Variants in PHKA1 observed in about 807,000 individuals in gnomAD.
PHKA1 encodes the protein phosphorylase b kinase regulatory subunit alpha, skeletal muscle isoform.
Under a neutral mutation model 110.2 loss-of-function variants are expected in PHKA1, and 60 were observed. That is an observed-to-expected ratio of 0.54 (90% CI 0.44 to 0.68). The LOEUF is 0.68. Ranked by LOEUF, PHKA1 falls within the 30% of genes least tolerant of loss-of-function variation. PHKA1 has a pLI of 0.00. For missense variants in PHKA1, 801 were observed against 942.5 expected (o/e 0.85, Z 1.97); for synonymous variants, 316 against 333.6 (o/e 0.95, Z 0.58).
At chrX:72,674,003 G>C (rs2053743079) in intron 6 of PHKA1, among the ~76,000 whole-genome samples, 1 of 83,935 alleles carries the variant, frequency 1.2e-5, no homozygotes, top group Non-Finnish European at 2.1e-5. Flanking sequence ...CCCCCTTCCT[G>C]TGTCCATGTG....
intron 5 of PHKA1, among the ~76,000 whole-genome samples, chrX:72,682,359 G>A (rs1183389901): frequency 6.4e-5 from 7 of 110,078 alleles, no homozygotes; most frequent in East Asian, 3.0e-4. Context: ...CCCCCTGCCC[G>A]GCCAGCCGCC....
chrX:72,592,864 T>C (rs1383668399), intron 29 of PHKA1, among the ~76,000 whole-genome samples: 7 of 112,631 alleles, frequency 6.2e-5, no homozygotes, highest in African/African-American at 1.9e-4. Context: ...GAGGTGATGA[T>C]TTTAAAAGTC....
chrX:72,649,742 C>T (rs1188918229), intron 13 of PHKA1, among the ~76,000 whole-genome samples: 1 of 110,826 alleles, frequency 9.0e-6, no homozygotes, highest in African/African-American at 3.3e-5. Flanking sequence ...GCCTGTAATC[C>T]CAGTACTTTG....
intron 4 of PHKA1, among the ~76,000 whole-genome samples, chrX:72,688,074 G>A (rs113113319): frequency 0.024 from 2,669 of 110,701 alleles, 72 homozygotes; most frequent in African/African-American, 0.083. Context: ...TGATCCGCCC[G>A]CCTAAGCCTC....
chrX:72,621,956 T>C, intron 18 of PHKA1: 1 of 739,422 alleles, frequency 1.4e-6, no homozygotes, highest in Non-Finnish European at 1.6e-6. Flanking sequence ...ATTTTAGTAA[T>C]CCAATGGAAT....
rs781862244 is a variant in PHKA1 at position 72,709,778 on chromosome X, C to T, written c.237+3001G>A. Among the ~76,000 whole-genome samples the T allele has an allele frequency of 1.3e-4, 14 of 110,624 alleles. No individual in the cohort carries two copies. In the East Asian group the frequency reaches 2.0e-3, roughly 16 times the overall value. On this transcript the variant is annotated intron_variant, in intron 2 of 31. Coordinates refer to ENST00000373542, the MANE Select transcript of PHKA1 (RefSeq NM_002637.4). ...ATTCCTGGCCGGGTATGGTGGCTCA[C>T]ACCTGTAATCCCAGCACTTTGGGAG... is the stretch of plus-strand genomic sequence containing the variant.
intron 16 of PHKA1, among the ~76,000 whole-genome samples, chrX:72,627,811 CT>C (rs1160541868): frequency 3.6e-3 from 247 of 67,847 alleles, no homozygotes; most frequent in Middle Eastern, 0.011. Context: ...TTTTCCTACA[CT>C]TTTTTTTTTT....
rs1404879033 is a variant in PHKA1 at position 72,620,877 on chromosome X, C to T, written c.1985G>A (p.Arg662His). The change falls in exon 19 of 32, where the codon CGT becomes CAT. Residue 662 changes from arginine to histidine, a missense_variant. Arg to His is a conservative substitution (Grantham distance 29). Transcript: ENST00000373542. ...GTGCGCCAAAAGGTGATCTAAATAA[C>T]GAGCAACTTCATCACCACAGCGAGC... ...SHARCGDEVA[R>H]YLDHLLAHTA... is the part of the protein sequence containing the mutation. The T allele has an allele frequency of 8.3e-6, 10 of 1,208,282 alleles. No individual in the cohort carries two copies. The highest frequency in any genetic ancestry group is 5.3e-5 in the African/African-American group (3 of 56,694).
chrX:72,697,941 G>A (rs868965581), intron 3 of PHKA1, among the ~76,000 whole-genome samples: 20 of 107,993 alleles, frequency 1.9e-4, no homozygotes, highest in African/African-American at 6.4e-4. Context: ...CCGAGACTGC[G>A]CCACTGCACT....
At chrX:72,667,806 T>A (rs1032480016) in intron 6 of PHKA1, among the ~76,000 whole-genome samples, 3 of 111,887 alleles carry the variant, frequency 2.7e-5, no homozygotes, top group Non-Finnish European at 5.6e-5. Context: ...TTTATTTATT[T>A]CTTACTTTTC....
chrX:72,666,239 A>G lies in PHKA1; in HGVS notation c.776T>C (p.Leu259Pro). 8.3e-7 allele frequency: 1 copy of G among 1,209,950 alleles called. No individual in the cohort carries two copies. Residue 259 changes from leucine to proline, a missense_variant, in exon 8 of 32, where the codon CTA (leucine) becomes CCA (proline). By Grantham distance (98) the Leu-to-Pro change is moderately conservative. This residue lies in a region of PHKA1 where 299 missense variants were observed against 423.3 expected (regional missense o/e 0.71). Transcript: ENST00000373542. ...ASTSKEVDAS[L>P]LSVVSFPAFA... ...GGCAGGGAAGGAAACCACTGAGAGT[A>G]GACTAGCATCAACCTCTTTTGATGT...
chrX:72,703,421 A>G (rs1556330652), intron 3 of PHKA1, among the ~76,000 whole-genome samples: 1 of 112,167 alleles, frequency 8.9e-6, no homozygotes, highest in Non-Finnish European at 1.9e-5. Flanking sequence ...GCTCATGCCT[A>G]TAATCCTGGC....
Position 72,619,223 on chromosome X carries a change from C to T in PHKA1, c.2220G>A (p.Gln740=). 8.5e-7 allele frequency: 1 copy of T among 1,172,780 alleles called. No individual in the cohort carries two copies. The highest frequency in any genetic ancestry group is 1.2e-6 in the Non-Finnish European group (1 of 860,333). ...TCCTGCACAAATTTACCTGGTTCTCCTGTCGGGGATGAGGTGAATCAAGTA... is the reference window on the plus strand; with the variant it reads ...TCCTGCACAAATTTACCTGGTTCTCTTGTCGGGGATGAGGTGAATCAAGTA... The part of the protein sequence containing the change: ...FNLLDSPHPR[Q]ENQVPSVRVE... Residue 740 remains glutamine (Q), a synonymous_variant, in exon 20 of 32, where the codon CAG becomes CAA. Coordinates refer to ENST00000373542, the MANE Select transcript of PHKA1 (RefSeq NM_002637.4).
intron 3 of PHKA1, among the ~76,000 whole-genome samples, chrX:72,702,369 G>GA (rs1413134246): frequency 9.0e-6 from 1 of 110,808 alleles, no homozygotes; most frequent in East Asian, 2.8e-4. Context: ...AGGATCACTT[G>GA]AACCCGGGAG....
At chrX:72,672,031 A>G (rs1556309435) in intron 6 of PHKA1, among the ~76,000 whole-genome samples, 3 of 112,373 alleles carry the variant, frequency 2.7e-5, no homozygotes, top group African/African-American at 9.7e-5. Context: ...GCTGTTTTAT[A>G]TATCCTTTGA....
intron 5 of PHKA1, among the ~76,000 whole-genome samples, chrX:72,677,052 T>TA (rs1432745713): frequency 8.9e-6 from 1 of 112,480 alleles, no homozygotes; most frequent in Non-Finnish European, 1.9e-5. Flanking sequence ...CATGTTTCTT[T>TA]AAGTCTCTTC....
At chrX:72,685,682 A>T (rs1556318615) in intron 4 of PHKA1, among the ~76,000 whole-genome samples, 1 of 112,022 alleles carries the variant, frequency 8.9e-6, no homozygotes, top group African/African-American at 3.2e-5. Context: ...CTGTTTACAT[A>T]TGAAAGACTT....
chrX:72,635,036 A>T, intron 16 of PHKA1, 119 bp downstream of exon 16: 1 of 939,395 alleles, frequency 1.1e-6, no homozygotes, highest in Non-Finnish European at 1.5e-6. Context: ...GGAGCCAATA[A>T]ATACTGCTGA....
At chrX:72,634,381 T>C (rs1341250633) in intron 16 of PHKA1, among the ~76,000 whole-genome samples, 2 of 110,915 alleles carry the variant, frequency 1.8e-5, no homozygotes, top group Non-Finnish European at 3.8e-5. Context: ...TGATTAATAA[T>C]AAGGGATTTT....
Sources: gnomAD v4.1 joint callset for allele counts (sites outside exome capture counted in the v4.1 genomes callset) on GRCh38, gnomAD v4.1.1 for gene constraint, gnomAD v4.1.1 regional missense constraint, MANE v1.5 for transcripts, NCBI Gene and HGNC (gene_info 2026-07-23, HGNC 2026-07-21) for gene names.